The following EPHX4 variants were observed in gnomAD, a reference collection of about 807,000 sequenced individuals.
The protein encoded by EPHX4 is abhydrolase domain containing 7.
A neutral mutation model predicts 44.9 loss-of-function variants in EPHX4; 31 were observed. That is an observed-to-expected ratio of 0.69 (90% CI 0.52 to 0.93). EPHX4 has a LOEUF of 0.93. Ranked by LOEUF, EPHX4 falls within the 40% of genes least tolerant of loss-of-function variation. The pLI is 0.00. For synonymous variants in EPHX4, 151 were observed against 159.7 expected, an observed-to-expected ratio of 0.95 and a Z score of 0.41; for missense variants, 373 against 438.1, an observed-to-expected ratio of 0.85 and a Z score of 1.33.
chr1:92,043,171 T>C (rs1688534520), intron 3 of EPHX4, 191 bp downstream of exon 3: 1 of 466,394 alleles, frequency 2.1e-6, no homozygotes, highest in Non-Finnish European at 3.8e-6. Context: ...CTAGAGCAAC[T>C]ATTCTGTCTA....
chr1:92,044,229 G>A (rs914406537), intron 3 of EPHX4, among the ~76,000 whole-genome samples: 9 of 152,036 alleles, frequency 5.9e-5, no homozygotes, highest in African/African-American at 2.2e-4. Context: ...ATGGGGTCTG[G>A]GGGTGTCACA....
At chr1:92,054,233 A>G (rs1362818587) in intron 6 of EPHX4, among the ~76,000 whole-genome samples, 2 of 152,166 alleles carry the variant, frequency 1.3e-5, no homozygotes. Context: ...CTTCTCCAGG[A>G]TACATCTCAA....
chr1:92,043,113 C>A, intron 3 of EPHX4, 133 bp downstream of exon 3: 1 of 719,154 alleles, frequency 1.4e-6, no homozygotes, highest in Non-Finnish European at 2.2e-6. Context: ...ACTATGGTTT[C>A]AGTTAGTCAG....
Position 92,063,274 on chromosome 1 carries a change from A to C in EPHX4, c.1077A>C (p.Arg359Ser). 2 of 1,587,388 alleles carry C rather than the reference A, an allele frequency of 1.3e-6. No homozygotes were observed. The change falls in exon 7 of 7, where the codon AGA becomes AGC. Residue 359 changes from arginine (R) to serine (S), a missense_variant. Physicochemically the swap from Arg to Ser is moderately radical, Grantham distance 110 (BLOSUM62 -1). Transcript: ENST00000370383. ...GGACATTTCTAAAAGAAGAAACAAG[A>C]AAAAAAGATTGACTTTTCTTTATCT... ...LIWTFLKEET[R>S]KKD
At chr1:92,052,770 A>G in intron 6 of EPHX4, 112 bp downstream of exon 6, 1 of 991,292 alleles carries the variant, frequency 1.0e-6, no homozygotes. Context: ...CAAATAAGGT[A>G]TTTTAATTTT....
intron 3 of EPHX4, among the ~76,000 whole-genome samples, chr1:92,044,826 AC>A (rs1355435681): frequency 7.2e-5 from 11 of 152,164 alleles, no homozygotes; most frequent in Admixed American, 3.3e-4. Flanking sequence ...TCAAAAAAAA[AC>A]CAAATAATCT....
intron 2 of EPHX4, among the ~76,000 whole-genome samples, chr1:92,040,431 G>A (rs1397446605): frequency 2.0e-5 from 3 of 148,114 alleles, no homozygotes; most frequent in East Asian, 2.0e-4. Flanking sequence ...CTCAACCTCC[G>A]CCGCTTGCCT....
chr1:92,032,114 A>C (rs1688369431), intron 1 of EPHX4, among the ~76,000 whole-genome samples: 1 of 152,228 alleles, frequency 6.6e-6, no homozygotes, highest in Non-Finnish European at 1.5e-5. Flanking sequence ...CATTTGAGGG[A>C]GATGAAATGT....
chr1:92,052,754 A>G (rs1647290211), intron 6 of EPHX4, 96 bp downstream of exon 6: 3 of 1,109,390 alleles, frequency 2.7e-6, no homozygotes, highest in South Asian at 2.0e-5. Context: ...CACTTATCCA[A>G]AGACTCAAAT....
At chr1:92,037,161 A>G (rs994176460) in intron 2 of EPHX4, among the ~76,000 whole-genome samples, 3 of 152,222 alleles carry the variant, frequency 2.0e-5, no homozygotes, top group African/African-American at 7.2e-5. Context: ...ATGAAAGTGT[A>G]TGCTTGATTG....
intron 1 of EPHX4, among the ~76,000 whole-genome samples, 175 bp downstream of exon 1, chr1:92,030,485 T>TGTGTGTGTGTGTGTGTGTGAGTGA (rs1326928763): frequency 1.2e-4 from 16 of 138,640 alleles, no homozygotes; most frequent in African/African-American, 1.1e-4. Context: ...TGTGTGTGTG[T>TGTGTGTGTGTGTGTGTGTGAGTGA]GAGAGAGAGA....
At chr1:92,031,842 G>T (rs1482356576) in intron 1 of EPHX4, among the ~76,000 whole-genome samples, 4 of 151,940 alleles carry the variant, frequency 2.6e-5, no homozygotes, top group East Asian at 1.9e-4. Context: ...TCTCCTACAT[G>T]CAGAGTGAAG....
At chr1:92,032,969 G>A (rs907913669) in intron 2 of EPHX4, among the ~76,000 whole-genome samples, 2 of 152,104 alleles carry the variant, frequency 1.3e-5, no homozygotes, top group African/African-American at 2.4e-5. Flanking sequence ...CCAGGCTGGG[G>A]CACAGTGGCA....
chr1:92,057,475 T>C (rs893271305), intron 6 of EPHX4, among the ~76,000 whole-genome samples: 2 of 152,182 alleles, frequency 1.3e-5, no homozygotes, highest in Non-Finnish European at 2.9e-5. Context: ...AAACTACTCA[T>C]GAAGAATTCA....
Position 92,052,634 on chromosome 1 carries a change from T to C in EPHX4, c.833T>C (p.Ile278Thr), listed in dbSNP as rs1254411481. ...FSQPGALSGP[I>T]NHYRNIFSCL... ...CAGCCTGGAGCATTAAGTGGCCCAA[T>C]TAACCATTACCGAAATATCTTCAGG... Residue 278 changes from isoleucine to threonine, a missense_variant, in exon 6 of 7, where the codon ATT becomes ACT. Physicochemically the swap from Ile to Thr is moderately conservative, Grantham distance 89 (BLOSUM62 -1). Transcript: ENST00000370383. 1 of 1,608,056 alleles carries C rather than the reference T, an allele frequency of 6.2e-7. No homozygotes were observed. The highest frequency in any genetic ancestry group is 8.5e-7 in the Non-Finnish European group (1 of 1,178,556).
chr1:92,042,648 C>G (rs979569107), intron 2 of EPHX4, among the ~76,000 whole-genome samples, 175 bp from the exon 3 acceptor site: 1 of 145,540 alleles, frequency 6.9e-6, no homozygotes, highest in African/African-American at 2.6e-5. Context: ...TCACTTGAGC[C>G]AGGGAGGTTG....
intron 4 of EPHX4, among the ~76,000 whole-genome samples, chr1:92,047,880 T>C (rs1461564157): frequency 6.6e-6 from 1 of 152,216 alleles, no homozygotes; most frequent in Non-Finnish European, 1.5e-5. Context: ...GGGATTCACA[T>C]GGACGATACT....
rs1313965985 is a variant in EPHX4 at position 92,052,534 on chromosome 1, C to T, written c.733C>T (p.His245Tyr). 4 of 1,607,128 alleles carry T rather than the reference C, an allele frequency of 2.5e-6. No individual in the cohort carries two copies. In the South Asian group the frequency reaches 4.5e-5, roughly 18 times the overall value. Residue 245 changes from histidine (H) to tyrosine (Y), a missense_variant, in exon 6 of 7, where the codon CAC (histidine) becomes TAC (tyrosine). Physicochemically the swap from His to Tyr is moderately conservative, Grantham distance 83. Transcript: ENST00000370383. The part of the protein sequence containing the change: ...FKVLKHLFTS[H>Y]STGIGRKGCQ... ...GGTTTTGAAACATCTGTTTACCAGT[C>T]ACAGCACTGGCATTGGAAGAAAAGG... is the stretch of plus-strand genomic sequence containing the variant.
intron 6 of EPHX4, among the ~76,000 whole-genome samples, chr1:92,055,548 T>C (rs1427374899): frequency 6.6e-6 from 1 of 152,146 alleles, no homozygotes; most frequent in Admixed American, 6.5e-5. Flanking sequence ...TAACAGTTTA[T>C]CAAGCAAGGC....
Sources: allele counts gnomAD v4.1 joint callset (sites outside exome capture counted in the v4.1 genomes callset), GRCh38; gene constraint gnomAD v4.1.1; transcripts MANE v1.5; gene names NCBI Gene and HGNC (gene_info 2026-07-23, HGNC 2026-07-21).